The following JMJD1C variants were observed in gnomAD, a reference collection of about 807,000 sequenced individuals.
JMJD1C encodes the protein jumonji domain-containing protein 1C.
In JMJD1C, 31 loss-of-function variants were observed where a neutral mutation model predicts 245.3. The observed-to-expected ratio is 0.13, with a 90% CI of 0.09 to 0.17. The LOEUF is 0.17. Ranked by LOEUF, JMJD1C falls within the 10% of genes least tolerant of loss-of-function variation. The probability of loss-of-function intolerance (pLI) is 1.00; values close to 1 mark genes in which losing one functional copy is unlikely to be tolerated. For synonymous variants in JMJD1C, 1,057 were observed against 1,017.4 expected (o/e 1.04, Z -0.74); for missense variants, 2,691 against 3,000.2 (o/e 0.90, Z 2.41).
chr10:63,490,842 A>G (rs1954150437), intron 1 of JMJD1C, among the ~76,000 whole-genome samples: 1 of 152,226 alleles, frequency 6.6e-6, no homozygotes, highest in South Asian at 2.1e-4. Flanking sequence ...ATAAGCATTC[A>G]ATAAACATCT....
intron 1 of JMJD1C, among the ~76,000 whole-genome samples, chr10:63,453,451 G>C (rs1282975320): frequency 2.0e-5 from 3 of 152,028 alleles, no homozygotes; most frequent in Non-Finnish European, 2.9e-5. Context: ...TGCGGTACAA[G>C]AAACAGAAAG....
chr10:63,174,856 CAAAAA>C (rs544500537), intron 24 of JMJD1C, among the ~76,000 whole-genome samples: 2 of 141,198 alleles, frequency 1.4e-5, no homozygotes, highest in East Asian at 4.0e-4. Flanking sequence ...AAACAAAAAA[CAAAAA>C]AAAAAACTGC....
chr10:63,396,520 T>C (rs1948497231), intron 1 of JMJD1C, among the ~76,000 whole-genome samples: 2 of 152,164 alleles, frequency 1.3e-5, no homozygotes, highest in Non-Finnish European at 2.9e-5. Context: ...ATTAAAGACA[T>C]GTGGTGTGCA....
intron 21 of JMJD1C, among the ~76,000 whole-genome samples, chr10:63,183,989 A>G (rs557597327): frequency 6.6e-6 from 1 of 151,184 alleles, no homozygotes; most frequent in Non-Finnish European, 1.5e-5. Context: ...GTGCAGTGGC[A>G]TGATCTCGAC....
chr10:63,283,512 G>C (rs746758896), intron 2 of JMJD1C, among the ~76,000 whole-genome samples: 2 of 151,838 alleles, frequency 1.3e-5, no homozygotes, highest in Admixed American at 1.3e-4. Context: ...GATTACAGGC[G>C]CCCGCCACCA....
At chr10:63,359,783 ATAACTGCTC>A (rs1235566384) in intron 2 of JMJD1C, among the ~76,000 whole-genome samples, 5 of 152,218 alleles carry the variant, frequency 3.3e-5, no homozygotes, top group African/African-American at 1.2e-4. Flanking sequence ...GAAAGTTGTT[ATAACTGCTC>A]TTACAATTTA....
At chr10:63,518,865 C>T (rs945181247) in intron 1 of JMJD1C, among the ~76,000 whole-genome samples, 9 of 152,196 alleles carry the variant, frequency 5.9e-5, no homozygotes, top group African/African-American at 2.2e-4. Flanking sequence ...GACCCACCGC[C>T]TTAAACACAG....
At chr10:63,186,461 C>T (rs1432354813) in intron 18 of JMJD1C, 78 bp from the exon 19 acceptor site, 3 of 1,211,412 alleles carry the variant, frequency 2.5e-6, no homozygotes, top group South Asian at 3.1e-5. Flanking sequence ...TTGTTTGAGA[C>T]AGAGTCTTGC....
chr10:63,363,354 G>A (rs941008772), intron 2 of JMJD1C, among the ~76,000 whole-genome samples: 13 of 150,804 alleles, frequency 8.6e-5, no homozygotes, highest in African/African-American at 3.2e-4. Context: ...TGCCTCCCGG[G>A]TTCAAGCAAT....
intron 1 of JMJD1C, among the ~76,000 whole-genome samples, chr10:63,461,787 G>C (rs1564945215): frequency 6.6e-6 from 1 of 152,084 alleles, no homozygotes; most frequent in East Asian, 1.9e-4. Context: ...ATCAACCTAA[G>C]CATCAAAGAA....
At chr10:63,253,453 G>A (rs976863209) in intron 3 of JMJD1C, among the ~76,000 whole-genome samples, 9 of 151,224 alleles carry the variant, frequency 6.0e-5, no homozygotes, top group Non-Finnish European at 1.3e-4. Flanking sequence ...GCACGATCTC[G>A]GCTCACTGCA....
chr10:63,333,594 C>T (rs556578673), intron 2 of JMJD1C, among the ~76,000 whole-genome samples: 1 of 152,126 alleles, frequency 6.6e-6, no homozygotes, highest in Non-Finnish European at 1.5e-5. Context: ...TAAATGTCTC[C>T]CAAAGCATGA....
chr10:63,496,871 T>C (rs1437553964), intron 1 of JMJD1C, among the ~76,000 whole-genome samples: 1 of 152,226 alleles, frequency 6.6e-6, no homozygotes, highest in Admixed American at 6.5e-5. Flanking sequence ...ACTAGTTCTG[T>C]TGCTTTTTCC....
At chr10:63,377,740 A>C (rs1946865327) in intron 2 of JMJD1C, among the ~76,000 whole-genome samples, 1 of 151,922 alleles carries the variant, frequency 6.6e-6, no homozygotes, top group Non-Finnish European at 1.5e-5. Flanking sequence ...GTCTCAAAAA[A>C]AAAAATTTAG....
chr10:63,241,690 T>A (rs1851501097), intron 3 of JMJD1C, among the ~76,000 whole-genome samples: 1 of 152,226 alleles, frequency 6.6e-6, no homozygotes, highest in African/African-American at 2.4e-5. Context: ...ACACTTCCTG[T>A]CACTTTCCAG....
At chr10:63,293,772 C>T (rs961407277) in intron 2 of JMJD1C, among the ~76,000 whole-genome samples, 11 of 136,370 alleles carry the variant, frequency 8.1e-5, no homozygotes, top group Middle Eastern at 7.4e-3. Context: ...TATTCTGATG[C>T]TTTCCCTATT....
intron 2 of JMJD1C, among the ~76,000 whole-genome samples, chr10:63,290,759 A>G (rs61669971): frequency 0.019 from 2,960 of 152,244 alleles, 96 homozygotes; most frequent in African/African-American, 0.066. Flanking sequence ...TGCTATTACT[A>G]TAAGTTCATG....
chr10:63,452,288 A>G (rs1449066519), intron 1 of JMJD1C, among the ~76,000 whole-genome samples: 3 of 152,226 alleles, frequency 2.0e-5, no homozygotes, highest in African/African-American at 7.2e-5. Flanking sequence ...GAACAACTTA[A>G]AACATTTCTC....
rs11354894 is a variant in JMJD1C at position 63,383,217 on chromosome 10, TAAA to T, written c.169-2738_169-2736del. Among the ~76,000 whole-genome samples, 1,021 of 144,816 alleles carry T rather than the reference TAAA, an allele frequency of 7.1e-3. 12 individuals carry two copies. Among genetic ancestry groups the T allele is most frequent in the Non-Finnish European group, 0.011 (728 of 66,248 alleles). ...ACTGCTGCCCACTAGGAAGCTTCTT[TAAA>T]AAAAAAAAAAAAAGCTTATCTATTA... On this transcript the variant is annotated intron_variant, in intron 1 of 25. Transcript: ENST00000399262.
Sources: gnomAD v4.1 joint callset for allele counts (sites outside exome capture counted in the v4.1 genomes callset) on GRCh38, gnomAD v4.1.1 for gene constraint, MANE v1.5 for transcripts, NCBI Gene and HGNC (gene_info 2026-07-23, HGNC 2026-07-21) for gene names.